GBF1: variants seen among roughly 807,000 people sequenced by gnomAD.
GBF1 encodes the protein golgi brefeldin A resistant guanine nucleotide exchange factor 1, also known as Golgi-specific brefeldin A-resistance guanine nucleotide exchange factor 1.
GBF1 carries 114 observed loss-of-function variants against 210.5 expected under a neutral mutation model. That is an observed-to-expected ratio of 0.54 (90% confidence interval 0.47 to 0.63). The LOEUF is 0.63. Ranked by LOEUF, GBF1 falls within the 30% of genes least tolerant of loss-of-function variation. The pLI is 0.00. For missense variants in GBF1, 1,851 were observed against 2,357.7 expected, an observed-to-expected ratio of 0.79 and a Z score of 4.45; for synonymous variants, 850 against 889.2, an observed-to-expected ratio of 0.96 and a Z score of 0.78.
At position 102,258,043 on chromosome 10, in the gene GBF1, G is replaced by T. The variant is rs141573481; in HGVS notation, c.-10-886G>T. Reference sequence around the variant, plus strand: ...TTTGAAAAATGTTCTGGATTGACTCGCTTTGAGTTGTATCTTGAACTACCT... The same window carrying T: ...TTTGAAAAATGTTCTGGATTGACTCTCTTTGAGTTGTATCTTGAACTACCT... On this transcript the variant is annotated intron_variant, in intron 1 of 39. Transcript: ENST00000369983. Among the ~76,000 whole-genome samples, 383 of 152,054 alleles carry T rather than the reference G, an allele frequency of 2.5e-3. 1 individual carries two copies. The highest frequency in any genetic ancestry group is 8.7e-3 in the African/African-American group (362 of 41,486).
intron 4 of GBF1, among the ~76,000 whole-genome samples, chr10:102,349,760 A>G (rs2058815728): frequency 6.6e-6 from 1 of 152,158 alleles, no homozygotes; most frequent in Admixed American, 6.5e-5. Flanking sequence ...GGAGCTAGGC[A>G]AGACCCTTGA....
chr10:102,369,831 C>G, intron 25 of GBF1, 30 bp from the exon 26 acceptor site: 2 of 1,614,134 alleles, frequency 1.2e-6, no homozygotes, highest in Admixed American at 3.3e-5. Context: ...AACTTTGGGG[C>G]TCACCAGGCC....
intron 8 of GBF1, 24 bp from the exon 9 acceptor site, chr10:102,358,015 G>T (rs1048009124): frequency 4.6e-6 from 7 of 1,516,506 alleles, no homozygotes; most frequent in Non-Finnish European, 6.4e-6. Context: ...GAATACCATT[G>T]CTAATGGGGT....
intron 3 of GBF1, among the ~76,000 whole-genome samples, chr10:102,302,032 G>A (rs1483246844): frequency 6.6e-6 from 1 of 152,260 alleles, no homozygotes; most frequent in Non-Finnish European, 1.5e-5. Context: ...GGAGGCCGAG[G>A]CTGGCAGATC....
chr10:102,350,865 CCT>C (rs1313778553), intron 4 of GBF1, among the ~76,000 whole-genome samples: 4 of 151,990 alleles, frequency 2.6e-5, no homozygotes, highest in African/African-American at 9.7e-5. Flanking sequence ...AGGTGGATCA[CCT>C]GAGGTCAGGA....
chr10:102,368,894 G>A, intron 23 of GBF1, 62 bp downstream of exon 23: 1 of 1,139,356 alleles, frequency 8.8e-7, no homozygotes, highest in African/African-American at 1.5e-5. Flanking sequence ...TTTAGCCATG[G>A]ATCTACCCTT....
At chr10:102,246,984 T>C (rs1174952569) in intron 1 of GBF1, among the ~76,000 whole-genome samples, 1 of 152,206 alleles carries the variant, frequency 6.6e-6, no homozygotes, top group Non-Finnish European at 1.5e-5. Flanking sequence ...AAGAGCAGGA[T>C]CAACCTAATA....
chr10:102,321,922 A>C (rs2056438838), intron 3 of GBF1, among the ~76,000 whole-genome samples: 1 of 152,110 alleles, frequency 6.6e-6, no homozygotes, highest in Admixed American at 6.6e-5. Flanking sequence ...ACAGTGGTGC[A>C]GTCACAGCTC....
chr10:102,377,357 T>G (rs968760988), intron 33 of GBF1, among the ~76,000 whole-genome samples: 1 of 151,590 alleles, frequency 6.6e-6, no homozygotes, highest in Non-Finnish European at 1.5e-5. Context: ...ATTTATTTAT[T>G]TATTTATTTA....
chr10:102,284,906 G>T (rs944708345), intron 3 of GBF1, among the ~76,000 whole-genome samples: 1 of 151,546 alleles, frequency 6.6e-6, no homozygotes, highest in Admixed American at 6.6e-5. Flanking sequence ...CAGTTTTTCC[G>T]CATCCTTACC....
At chr10:102,265,596 G>A (rs901528817) in intron 3 of GBF1, among the ~76,000 whole-genome samples, 7 of 152,104 alleles carry the variant, frequency 4.6e-5, no homozygotes, top group African/African-American at 1.7e-4. Context: ...GAGGCGAGAG[G>A]ATCACTTGAG....
chr10:102,324,953 G>T (rs554600394), intron 3 of GBF1, among the ~76,000 whole-genome samples: 43 of 152,254 alleles, frequency 2.8e-4, no homozygotes, highest in African/African-American at 8.4e-4. Flanking sequence ...TAGTATTCTT[G>T]TGAGAATTAC....
chr10:102,352,608 C>A, intron 7 of GBF1, 90 bp downstream of exon 7: 1 of 844,952 alleles, frequency 1.2e-6, no homozygotes, highest in Non-Finnish European at 2.1e-6. Flanking sequence ...CCTGGCCAAC[C>A]CCACAGCCGC....
chr10:102,246,146 T>C (rs971841380), intron 1 of GBF1, among the ~76,000 whole-genome samples: 1 of 152,344 alleles, frequency 6.6e-6, no homozygotes, highest in East Asian at 1.9e-4. Flanking sequence ...GTGTCTACTT[T>C]TATGGGTTTT....
intron 33 of GBF1, 132 bp from the exon 34 acceptor site, chr10:102,379,152 G>A (rs1326964751): frequency 1.3e-5 from 10 of 750,950 alleles, no homozygotes; most frequent in East Asian, 2.7e-5. Flanking sequence ...AAAGAGTAGC[G>A]AGGGGGTGAG....
rs781159917 is a variant in GBF1, at chr10:102,358,712, G to C, written c.994G>C (p.Glu332Gln). 1.3e-5 allele frequency: 21 copies of C among 1,612,126 alleles called. No homozygotes were observed. Among genetic ancestry groups the C allele is most frequent in the African/African-American group, 2.7e-5 (2 of 74,896 alleles). The change falls in exon 10 of 40, where the codon GAG (glutamate) becomes CAG (glutamine). Residue 332 changes from glutamate (E) to glutamine (Q), a missense_variant. Glu to Gln is a conservative substitution (Grantham distance 29, BLOSUM62 2). Coordinates refer to ENST00000369983, the MANE Select transcript of GBF1 (RefSeq NM_001377137.1). ...EPGSSELGVPEQPDLQQEGTH... is the reference protein window; with the variant it reads ...EPGSSELGVPQQPDLQQEGTH... ...TGGAAGCAGTGAGCTAGGTGTTCCCGAGCAGCCTGACCTCCAGGTATGGCT... is the reference window on the plus strand; with the variant it reads ...TGGAAGCAGTGAGCTAGGTGTTCCCCAGCAGCCTGACCTCCAGGTATGGCT...
the GBF1 span, among the ~76,000 whole-genome samples, chr10:102,240,171 T>C: frequency 1.3e-5 from 2 of 152,236 alleles, no homozygotes; most frequent in Admixed American, 1.3e-4. Context: ...TGGTTAATTG[T>C]ATTGGAATTA....
chr10:102,323,631 C>G (rs1306572146), intron 3 of GBF1, among the ~76,000 whole-genome samples: 1 of 150,104 alleles, frequency 6.7e-6, no homozygotes, highest in Non-Finnish European at 1.5e-5. Flanking sequence ...TTGCCCAACT[C>G]CTGGGCTCAA....
intron 37 of GBF1, 48 bp from the exon 38 acceptor site, chr10:102,380,458 C>G (rs1400657515): frequency 6.3e-7 from 1 of 1,588,252 alleles, no homozygotes; most frequent in Non-Finnish European, 8.6e-7. Context: ...TTACCATACT[C>G]CCCCCATGCC....
Sources: gnomAD v4.1 joint callset for allele counts (sites outside exome capture counted in the v4.1 genomes callset) on GRCh38, gnomAD v4.1.1 for gene constraint, MANE v1.5 for transcripts, NCBI Gene and HGNC (gene_info 2026-07-23, HGNC 2026-07-21) for gene names.